DNAH2: variants seen among roughly 807,000 people sequenced by gnomAD.
DNAH2 encodes axonemal beta dynein heavy chain 2.
Under a neutral mutation model 523.5 loss-of-function variants are expected in DNAH2, and 323 were observed. The ratio of observed to expected loss-of-function variants is 0.62; its 90% CI spans 0.56 to 0.68. The LOEUF (loss-of-function observed/expected upper bound fraction) is 0.68. Among genes scored for constraint, DNAH2 ranks in the 30% least tolerant of loss-of-function variants. The pLI is 0.00. For missense variants in DNAH2, 4,907 were observed against 5,701.5 expected, an observed-to-expected ratio of 0.86 and a Z score of 4.49; for synonymous variants, 2,093 against 2,177.4, an observed-to-expected ratio of 0.96 and a Z score of 1.08.
intron 85 of DNAH2, 24 bp downstream of exon 85, chr17:7,833,245 C>G (rs764864788): frequency 1.2e-6 from 2 of 1,606,296 alleles, no homozygotes; most frequent in African/African-American, 1.3e-5. Context: ...CCAGGCAGGA[C>G]CTGCCTGCCC....
chr17:7,768,684 C>T (rs189418991), intron 24 of DNAH2, among the ~76,000 whole-genome samples: 2 of 152,236 alleles, frequency 1.3e-5, no homozygotes, highest in East Asian at 1.9e-4. Flanking sequence ...TGACCAACAC[C>T]TCCCGAACTT....
At chr17:7,777,373 G>C in intron 32 of DNAH2, 73 bp from the exon 33 acceptor site, 1 of 1,556,852 alleles carries the variant, frequency 6.4e-7, no homozygotes, top group South Asian at 1.2e-5. Context: ...GCGGTGCTGG[G>C]TAGGGGCAAG....
At chr17:7,751,231 C>T (rs147454749) in intron 12 of DNAH2, among the ~76,000 whole-genome samples, 1,603 of 151,716 alleles carry the variant, frequency 0.011, 29 homozygotes, top group African/African-American at 0.037. Flanking sequence ...GCAACCTCTG[C>T]GTCCTGGGTT....
intron 12 of DNAH2, chr17:7,743,469 C>T (rs570755584): frequency 9.2e-6 from 6 of 652,768 alleles, no homozygotes; most frequent in Non-Finnish European, 1.4e-5. Flanking sequence ...AGTTTGAGAA[C>T]AGCCTGGGCA....
Position 7,824,575 on chromosome 17 carries a change from T to A in DNAH2, c.11701T>A (p.Ser3901Thr). 6.3e-7 allele frequency: 1 copy of A among 1,593,094 alleles called. No individual in the cohort carries two copies. The highest frequency in any genetic ancestry group is 2.3e-5 in the East Asian group (1 of 43,796). The change falls in exon 77 of 86, where the codon TCT becomes ACT. Residue 3901 changes from serine (S) to threonine (T), a missense_variant. Transcript: ENST00000572933. ...VFLANCHLSL[S>T]WMPNLDKLVE... ...CCTGGCAAACTGCCACCTGTCACTG[T>A]CTTGGATGCCTAATCTGGACAAGCT...
rs376974299 is a variant in DNAH2, at chr17:7,819,190, C to T, written c.10816-19C>T. 6.8e-6 allele frequency: 11 copies of T among 1,612,230 alleles called. No homozygotes were observed. Among genetic ancestry groups the T allele is most frequent in the African/African-American group, 2.7e-5 (2 of 74,936 alleles). On this transcript the variant is annotated intron_variant, in intron 71 of 85. Transcript: ENST00000572933. ...CCACGTCCCTCAGTGGCCCTGACTC[C>T]ACCCATCCCCACCGGCAGGCTTACC...
intron 77 of DNAH2, among the ~76,000 whole-genome samples, chr17:7,825,669 C>T (rs895939845): frequency 2.6e-5 from 4 of 152,226 alleles, no homozygotes; most frequent in African/African-American, 7.2e-5. Context: ...CCTGGCCCAG[C>T]GTTTCTCATT....
At chr17:7,732,200 C>T (rs2075009153) in intron 4 of DNAH2, among the ~76,000 whole-genome samples, 2 of 151,528 alleles carry the variant, frequency 1.3e-5, no homozygotes, top group Admixed American at 6.6e-5. Context: ...TTTGGGAGGC[C>T]GAGGCAGATG....
chr17:7,826,824 G>A (rs191384989), intron 77 of DNAH2, among the ~76,000 whole-genome samples: 1 of 151,976 alleles, frequency 6.6e-6, no homozygotes, highest in South Asian at 2.1e-4. Context: ...ACAGGCATGA[G>A]TCACCGCACC....
intron 39 of DNAH2, 95 bp downstream of exon 39, chr17:7,781,262 T>C: frequency 7.0e-7 from 1 of 1,434,448 alleles, no homozygotes; most frequent in Non-Finnish European, 9.7e-7. Context: ...ACTGTTTGAG[T>C]CCAGGAGTTT....
rs1267011396 is a variant in DNAH2 at position 7,733,268 on chromosome 17, GAAATC to G, written c.583_587del (p.Asn195PhefsTer37). 6 of 1,614,176 alleles carry G rather than the reference GAAATC, an allele frequency of 3.7e-6. No individual in the cohort carries two copies. The South Asian group carries it at 6.6e-5, about 18-fold the overall frequency. Reference sequence around the variant, plus strand: ...AACACAGGCTGGCCTGAGAGCATTAGAAATCATTTTGCTTCTCATCTGCACAAGTT... The same window carrying G: ...AACACAGGCTGGCCTGAGAGCATTAGATTTTGCTTCTCATCTGCACAAGTT... On this transcript the variant is annotated frameshift_variant, in exon 5 of 86. Transcript: ENST00000572933. LOFTEE classifies it high-confidence loss of function.
rs2076561274 is a variant in DNAH2, at chr17:7,780,051, G to A, written c.5723-106G>A. ...TCTTGGAGTTGGAGAGAAAGTTAGG[G>A]ATGGAGTTAGGGTGGGAGAAAATGA... is the stretch of plus-strand genomic sequence containing the variant. On this transcript the variant is annotated intron_variant, in intron 36 of 85. Coordinates refer to ENST00000572933, the MANE Select transcript of DNAH2 (RefSeq NM_020877.5). This position sits in a 1 kb window ranked among gnomAD's most constrained non-coding sequence, Gnocchi z 4.4. 1 of 1,430,940 alleles carries A rather than the reference G, an allele frequency of 7.0e-7. No homozygotes were observed. Among genetic ancestry groups the A allele is most frequent in the African/African-American group, 1.4e-5 (1 of 69,930 alleles). The allele number at this position is 1,430,940 out of a possible 1,614,324, so 88.6% of individuals were successfully genotyped here. A position where few individuals can be genotyped will look rare whatever the true frequency, so the allele number is the denominator to read the frequency against.
intron 26 of DNAH2, 33 bp from the exon 27 acceptor site, chr17:7,770,720 G>A (rs1424024968): frequency 1.9e-6 from 3 of 1,613,968 alleles, no homozygotes; most frequent in Non-Finnish European, 2.5e-6. Context: ...GGCAGGTGGG[G>A]ATGAACTATG....
intron 48 of DNAH2, among the ~76,000 whole-genome samples, chr17:7,793,489 TTC>T (rs1372978782): frequency 5.1e-5 from 7 of 136,568 alleles, no homozygotes; most frequent in East Asian, 1.9e-4. Flanking sequence ...CTTTCTTTCT[TTC>T]TTTCTTTCTT....
intron 56 of DNAH2, 29 bp downstream of exon 56, chr17:7,799,271 C>T: frequency 6.2e-7 from 1 of 1,610,232 alleles, no homozygotes; most frequent in East Asian, 2.2e-5. Context: ...TTCTCTCAGC[C>T]CCTTCTGTGT....
Position 7,804,303 on chromosome 17 carries a change from T to C in DNAH2, c.9020T>C (p.Leu3007Pro). Reference protein sequence around the residue: ...RQELLAQANKLRTGLFKIDET... With the variant: ...RQELLAQANKPRTGLFKIDET... ...GAGCTGCTGGCCCAAGCCAATAAACTGCGGACAGGCTTGTTCAAGATCGAC... is the reference window on the plus strand; with the variant it reads ...GAGCTGCTGGCCCAAGCCAATAAACCGCGGACAGGCTTGTTCAAGATCGAC... Residue 3007 changes from leucine to proline, a missense_variant, in exon 59 of 86, where the codon CTG becomes CCG. Leu to Pro is a moderately conservative substitution (Grantham distance 98). This residue lies in a region of DNAH2 where 1,851 missense variants were observed against 2,139.4 expected (regional missense o/e 0.87). Transcript: ENST00000572933. 1 of 1,614,144 alleles carries C rather than the reference T, an allele frequency of 6.2e-7. No homozygotes were observed.
chr17:7,799,386 C>G, intron 56 of DNAH2, 144 bp downstream of exon 56: 1 of 1,226,044 alleles, frequency 8.2e-7, no homozygotes, highest in East Asian at 2.5e-5. Flanking sequence ...TTAGGCTGTG[C>G]CTGATTTCAG....
rs1407757387 is a variant in DNAH2, at chr17:7,754,781, G to A, written c.1905-2310G>A. 2 of 835,230 alleles carry A rather than the reference G, an allele frequency of 2.4e-6. No homozygotes were observed. The highest frequency in any genetic ancestry group is 3.3e-5 in the African/African-American group (2 of 60,150). 51.7% of individuals were successfully genotyped at this position (835,230 alleles called of 1,614,324 possible). A position where few individuals can be genotyped will look rare whatever the true frequency, so the allele number is the denominator to read the frequency against. ...AGGCCAAGGATCAAACCAAGGCCCA[G>A]GCTGCAGCTCCAGCTTCAGTTTCAG... is the stretch of plus-strand genomic sequence containing the variant. On this transcript the variant is annotated intron_variant, in intron 12 of 85. Coordinates refer to ENST00000572933, the MANE Select transcript of DNAH2 (RefSeq NM_020877.5). This position sits in a 1 kb window ranked among gnomAD's most constrained non-coding sequence, Gnocchi z 4.6.
chr17:7,741,751 G>A (rs1324052491), intron 11 of DNAH2, among the ~76,000 whole-genome samples: 7 of 148,910 alleles, frequency 4.7e-5, no homozygotes, highest in African/African-American at 1.5e-4. Flanking sequence ...CGCAACCTTC[G>A]CCTCCCAGGT....
Sources: gnomAD v4.1 joint callset for allele counts (sites outside exome capture counted in the v4.1 genomes callset) on GRCh38, gnomAD v4.1.1 for gene constraint, gnomAD v4.1.1 regional missense constraint, Gnocchi (gnomAD v3.1) non-coding constraint, MANE v1.5 for transcripts, NCBI Gene and HGNC (gene_info 2026-07-23, HGNC 2026-07-21) for gene names.